The following RNF13 variants were observed in gnomAD, a reference collection of about 807,000 sequenced individuals.
RNF13 encodes the protein ring finger protein 13, also known as E3 ubiquitin-protein ligase RNF13.
Under a neutral mutation model 37.7 loss-of-function variants are expected in RNF13, and 19 were observed. The observed-to-expected ratio is 0.50, with a 90% CI of 0.35 to 0.74. The LOEUF is 0.74. Among genes scored for constraint, RNF13 ranks in the 30% least tolerant of loss-of-function variants. The pLI is 0.01. For synonymous variants in RNF13, 144 were observed against 157.8 expected, an observed-to-expected ratio of 0.91 and a Z score of 0.65; for missense variants, 375 against 453.0, an observed-to-expected ratio of 0.83 and a Z score of 1.56.
chr3:149,903,860 G>A (rs1716101057), intron 6 of RNF13, among the ~76,000 whole-genome samples: 2 of 151,926 alleles, frequency 1.3e-5, no homozygotes, highest in South Asian at 4.1e-4. Flanking sequence ...AAGCTTTTTA[G>A]GTTTTAGAAT....
intron 1 of RNF13, among the ~76,000 whole-genome samples, chr3:149,814,808 AGTT>A (rs1393075888): frequency 2.0e-5 from 3 of 152,190 alleles, no homozygotes; most frequent in Admixed American, 6.5e-5. Flanking sequence ...ATAAGAAATG[AGTT>A]GTTATGAGGA....
intron 8 of RNF13, among the ~76,000 whole-genome samples, chr3:149,955,878 T>A (rs1208094726): frequency 6.6e-6 from 1 of 152,246 alleles, no homozygotes; most frequent in Non-Finnish European, 1.5e-5. Flanking sequence ...GCACTGTGAC[T>A]ATTTTAACTA....
At chr3:149,845,308 G>A (rs1184364764) in intron 1 of RNF13, among the ~76,000 whole-genome samples, 1 of 152,126 alleles carries the variant, frequency 6.6e-6, no homozygotes, top group Non-Finnish European at 1.5e-5. Flanking sequence ...TAATACAATT[G>A]ATTGAGGCTT....
At chr3:149,882,365 G>T (rs915287444) in intron 4 of RNF13, among the ~76,000 whole-genome samples, 11 of 152,128 alleles carry the variant, frequency 7.2e-5, no homozygotes, top group African/African-American at 2.7e-4. Context: ...TGCTGGATAG[G>T]GCTGGATAAT....
chr3:149,872,691 C>A (rs999693673), intron 4 of RNF13, among the ~76,000 whole-genome samples: 2 of 152,176 alleles, frequency 1.3e-5, no homozygotes, highest in African/African-American at 4.8e-5. Context: ...GTAAAATAAA[C>A]CTTGATGTAA....
intron 4 of RNF13, among the ~76,000 whole-genome samples, chr3:149,875,424 C>A (rs76599251): frequency 0.012 from 1,781 of 152,162 alleles, 30 homozygotes; most frequent in African/African-American, 0.04. Context: ...TTAAAGAAAC[C>A]TACACTTTTC....
At chr3:149,934,370 ATTTC>A (rs201783449) in intron 8 of RNF13, among the ~76,000 whole-genome samples, 7,335 of 151,408 alleles carry the variant, frequency 0.048, 219 homozygotes, top group Non-Finnish European at 0.063. Flanking sequence ...GATCTGTATT[ATTTC>A]TTTCTACTAA....
intron 3 of RNF13, among the ~76,000 whole-genome samples, chr3:149,853,834 CTT>C (rs1052140782): frequency 3.1e-4 from 36 of 115,360 alleles, no homozygotes; most frequent in Middle Eastern, 4.8e-3. Flanking sequence ...TAAAATTTCT[CTT>C]TTTTTTTTTT....
At chr3:149,831,563 A>G (rs1030694321) in intron 1 of RNF13, among the ~76,000 whole-genome samples, 14 of 152,298 alleles carry the variant, frequency 9.2e-5, no homozygotes, top group African/African-American at 3.1e-4. Context: ...CATTGTATCT[A>G]GGAAATAATT....
intron 8 of RNF13, among the ~76,000 whole-genome samples, chr3:149,948,159 C>T (rs1237172562): frequency 2.0e-5 from 3 of 152,126 alleles, no homozygotes; most frequent in South Asian, 2.1e-4. Context: ...CCATGCTGGC[C>T]AGGCTGGTCT....
rs766477183 is a variant in RNF13, at chr3:149,912,075, A to G, written c.598A>G (p.Ile200Val). The G allele has an allele frequency of 1.3e-6, 2 of 1,481,866 alleles. No individual in the cohort carries two copies. Among genetic ancestry groups the G allele is most frequent in the Non-Finnish European group, 1.9e-6 (2 of 1,062,746 alleles). 91.8% of individuals were successfully genotyped at this position (1,481,866 alleles called of 1,614,324 possible). A position where few individuals can be genotyped will look rare whatever the true frequency, so the allele number is the denominator to read the frequency against. Residue 200 changes from isoleucine (I) to valine (V), a missense_variant, in exon 7 of 10, where the codon ATT (isoleucine) becomes GTT (valine). Transcript: ENST00000392894. ...IVGICLILIVIFMITKFVQDR... is the reference protein window; with the variant it reads ...IVGICLILIVVFMITKFVQDR... ...GGGCATCTGTCTCATCTTGATAGTC[A>G]TTTTCATGGTAGGTACATTAACTTT...
chr3:149,892,121 G>T (rs1714775701), intron 4 of RNF13, among the ~76,000 whole-genome samples: 2 of 152,138 alleles, frequency 1.3e-5, no homozygotes. Context: ...ATTTTTTGGA[G>T]ATCACACTTA....
chr3:149,905,960 C>T (rs575081322), intron 6 of RNF13, among the ~76,000 whole-genome samples: 95 of 152,278 alleles, frequency 6.2e-4, no homozygotes, highest in African/African-American at 1.7e-3. Flanking sequence ...GTAGAAACCC[C>T]GTACACATTT....
Position 149,859,164 on chromosome 3 carries a change from G to T in RNF13, c.195+6568G>T, listed in dbSNP as rs1183846077. The stretch of plus-strand genomic sequence containing the variant: ...CCCTTATGTTACAGTATCACCCTCA[G>T]TTTATAAACGAAAACAAAGGTCAGA... On this transcript the variant is annotated intron_variant, in intron 3 of 9. Coordinates refer to ENST00000392894, the MANE Select transcript of RNF13 (RefSeq NM_183381.3). Among the ~76,000 whole-genome samples the T allele has an allele frequency of 6.6e-5, 10 of 152,196 alleles. No individual in the cohort carries two copies. The South Asian group carries it at 1.9e-3, about 28-fold the overall frequency.
At chr3:149,815,410 T>C (rs1719337770) in intron 1 of RNF13, among the ~76,000 whole-genome samples, 3 of 152,218 alleles carry the variant, frequency 2.0e-5, no homozygotes, top group Admixed American at 2.0e-4. Context: ...ATAACAATAT[T>C]TTTAAATCTG....
intron 4 of RNF13, among the ~76,000 whole-genome samples, chr3:149,881,522 G>A (rs1373524423): frequency 1.3e-5 from 2 of 151,956 alleles, no homozygotes; most frequent in East Asian, 3.9e-4. Context: ...GTAGAGATGG[G>A]GTTTCACCAC....
At chr3:149,884,663 A>AT (rs1713809451) in intron 4 of RNF13, among the ~76,000 whole-genome samples, 1 of 152,068 alleles carries the variant, frequency 6.6e-6, no homozygotes, top group African/African-American at 2.4e-5. Context: ...GATACATGAC[A>AT]TTTTTTGATA....
intron 1 of RNF13, among the ~76,000 whole-genome samples, chr3:149,844,926 C>T (rs1722502948): frequency 6.6e-6 from 1 of 152,136 alleles, no homozygotes; most frequent in Non-Finnish European, 1.5e-5. Context: ...CATTAGCAGT[C>T]ATTTCTCATT....
chr3:149,893,112 C>T (rs1431087794), intron 4 of RNF13, among the ~76,000 whole-genome samples: 1 of 152,094 alleles, frequency 6.6e-6, no homozygotes, highest in Non-Finnish European at 1.5e-5. Context: ...CTGATTGATC[C>T]TCAAGTTCCA....
Sources: allele counts gnomAD v4.1 joint callset (sites outside exome capture counted in the v4.1 genomes callset), GRCh38; gene constraint gnomAD v4.1.1; transcripts MANE v1.5; gene names NCBI Gene and HGNC (gene_info 2026-07-23, HGNC 2026-07-21).